SPATA6: variants seen among roughly 807,000 people sequenced by gnomAD.
SPATA6 encodes the protein spermatogenesis associated 6.
SPATA6 carries 56 observed loss-of-function variants against 65.3 expected under a neutral mutation model. The ratio of observed to expected loss-of-function variants is 0.86; its 90% CI spans 0.69 to 1.07. The LOEUF is 1.07. SPATA6 is among the 50% of genes least tolerant of loss of function. The pLI, the probability that SPATA6 is intolerant of heterozygous loss-of-function variation, is 0.00. For synonymous variants in SPATA6, 199 were observed against 213.2 expected, an observed-to-expected ratio of 0.93 and a Z score of 0.58; for missense variants, 590 against 594.8, an observed-to-expected ratio of 0.99 and a Z score of 0.08.
chr1:48,395,069 T>C (rs1452703832), intron 8 of SPATA6, among the ~76,000 whole-genome samples, 198 bp downstream of exon 8: 7 of 152,014 alleles, frequency 4.6e-5, no homozygotes, highest in Non-Finnish European at 7.4e-5. Context: ...TGATTTATAG[T>C]AGCACAGAAA....
chr1:48,302,729 T>C (rs1003104917), intron 12 of SPATA6, among the ~76,000 whole-genome samples: 6 of 152,184 alleles, frequency 3.9e-5, no homozygotes, highest in African/African-American at 1.4e-4. Flanking sequence ...CTCATGCATA[T>C]GTACAGCCTT....
At chr1:48,323,615 A>AG (rs1491371537) in intron 11 of SPATA6, among the ~76,000 whole-genome samples, 1 of 136,418 alleles carries the variant, frequency 7.3e-6, no homozygotes, top group Non-Finnish European at 1.6e-5. Context: ...CCACAACAAC[A>AG]GAAAAAAAAA....
the SPATA6 span, among the ~76,000 whole-genome samples, chr1:48,269,076 C>T: frequency 6.6e-6 from 1 of 152,072 alleles, no homozygotes; most frequent in Non-Finnish European, 1.5e-5. Flanking sequence ...ACACAGCCTA[C>T]ATAAATTAAA....
the SPATA6 span, among the ~76,000 whole-genome samples, chr1:48,267,364 C>A: frequency 6.6e-6 from 1 of 152,182 alleles, no homozygotes; most frequent in East Asian, 1.9e-4. Flanking sequence ...AGACTCTCTG[C>A]CTTATTGCAA....
intron 8 of SPATA6, among the ~76,000 whole-genome samples, chr1:48,386,010 CATT>C (rs1247933656): frequency 6.6e-6 from 1 of 152,168 alleles, no homozygotes; most frequent in Non-Finnish European, 1.5e-5. Context: ...ACAACAACAT[CATT>C]ACTATCAAAT....
At chr1:48,379,738 T>C (rs1289148741) in intron 9 of SPATA6, among the ~76,000 whole-genome samples, 1 of 152,158 alleles carries the variant, frequency 6.6e-6, no homozygotes, top group Non-Finnish European at 1.5e-5. Flanking sequence ...TCTTATGCTC[T>C]TTTCCTTAAA....
chr1:48,426,764 G>C lies in SPATA6; in HGVS notation c.239-13613C>G, dbSNP rs141641401. Among the ~76,000 whole-genome samples, 803 of 151,850 alleles carry C rather than the reference G, an allele frequency of 5.3e-3. 21 individuals are homozygous for C. Among genetic ancestry groups the C allele is most frequent in the South Asian group, 0.05 (241 of 4,816 alleles). ...GAAGAAAATTCCTACAATGACAGCA[G>C]CCAAAAAACATGTTAGCAAAATAGA... On this transcript the variant is annotated intron_variant, in intron 3 of 12. Coordinates refer to ENST00000371847, the MANE Select transcript of SPATA6 (RefSeq NM_019073.4).
At chr1:48,323,134 G>C (rs778096870) in intron 11 of SPATA6, among the ~76,000 whole-genome samples, 4 of 152,120 alleles carry the variant, frequency 2.6e-5, no homozygotes, top group Non-Finnish European at 5.9e-5. Context: ...GTTTACTGCA[G>C]CACTGTTCAT....
intron 11 of SPATA6, among the ~76,000 whole-genome samples, chr1:48,324,358 C>A (rs1645692797): frequency 6.6e-6 from 1 of 152,126 alleles, no homozygotes; most frequent in South Asian, 2.1e-4. Context: ...CAAGTACTAT[C>A]CTGATACCAA....
At chr1:48,370,857 G>C (rs929020260) in intron 9 of SPATA6, among the ~76,000 whole-genome samples, 2 of 152,118 alleles carry the variant, frequency 1.3e-5, no homozygotes, top group African/African-American at 4.8e-5. Context: ...TTTCTACAAG[G>C]AAAGTCCCAC....
At chr1:48,409,445 G>T (rs149639555) in intron 5 of SPATA6, among the ~76,000 whole-genome samples, 74 of 152,318 alleles carry the variant, frequency 4.9e-4, no homozygotes, top group South Asian at 2.7e-3. Flanking sequence ...CAGGCACATG[G>T]TGCAAGCTGT....
At chr1:48,361,854 A>C (rs1171445267) in intron 9 of SPATA6, among the ~76,000 whole-genome samples, 1 of 152,150 alleles carries the variant, frequency 6.6e-6, no homozygotes, top group Admixed American at 6.6e-5. Flanking sequence ...TATTTTCCAA[A>C]ATTACAACAA....
chr1:48,264,372 CT>C, the SPATA6 span, among the ~76,000 whole-genome samples: 5 of 151,992 alleles, frequency 3.3e-5, no homozygotes, highest in African/African-American at 1.2e-4. Flanking sequence ...TATTAAAAAT[CT>C]TTTTTTGTTG....
rs956622318 is a variant in SPATA6 at position 48,369,642 on chromosome 1, G to A, written c.910-9872C>T. On this transcript the variant is annotated intron_variant, in intron 9 of 12. Transcript: ENST00000371847. ...AAGCCCGTCGGAAAAGCGCAGTAGT[G>A]GGGTGGGAGTGATTGGATTTTCCAG... is the stretch of plus-strand genomic sequence containing the variant. Among the ~76,000 whole-genome samples, 13 of 152,204 alleles carry A rather than the reference G, an allele frequency of 8.5e-5. 1 individual carries two copies.
At chr1:48,303,603 A>T (rs1644991379) in intron 12 of SPATA6, among the ~76,000 whole-genome samples, 1 of 152,104 alleles carries the variant, frequency 6.6e-6, no homozygotes. Context: ...AAAAGATTTC[A>T]TTTTTTTATA....
chr1:48,325,578 C>T, intron 11 of SPATA6: 1 of 951,354 alleles, frequency 1.1e-6, no homozygotes, highest in Admixed American at 1.7e-5. Context: ...TTTCCCTCCT[C>T]AATGGTAAAG....
At chr1:48,341,059 GAAAAC>G (rs1257911398) in intron 11 of SPATA6, among the ~76,000 whole-genome samples, 14 of 152,112 alleles carry the variant, frequency 9.2e-5, no homozygotes, top group Admixed American at 7.2e-4. Flanking sequence ...CTAGTATTGG[GAAAAC>G]AAAACAAAAC....
chr1:48,285,897 C>A, the SPATA6 span, among the ~76,000 whole-genome samples: 1 of 152,160 alleles, frequency 6.6e-6, no homozygotes, highest in Admixed American at 6.5e-5. Context: ...ATCTTGCCAG[C>A]CACCCCCCAA....
chr1:48,453,275 G>T, intron 1 of SPATA6, 144 bp from the exon 2 acceptor site: 1 of 927,508 alleles, frequency 1.1e-6, no homozygotes, highest in Non-Finnish European at 1.5e-6. Flanking sequence ...GAGAGACAGA[G>T]ACTAGTGTTT....
Sources: gnomAD v4.1 joint callset for allele counts (sites outside exome capture counted in the v4.1 genomes callset) on GRCh38, gnomAD v4.1.1 for gene constraint, MANE v1.5 for transcripts, NCBI Gene and HGNC (gene_info 2026-07-23, HGNC 2026-07-21) for gene names.